GMDS: variants seen among roughly 807,000 people sequenced by gnomAD.
The protein encoded by GMDS is GDP-mannose 4,6 dehydratase.
In GMDS, 20 loss-of-function variants were observed where a neutral mutation model predicts 49.9. The observed-to-expected ratio is 0.40, with a 90% CI of 0.28 to 0.58. GMDS has a LOEUF of 0.58. GMDS is among the 20% of genes least tolerant of loss of function. GMDS has a pLI of 0.42. For synonymous variants in GMDS, 177 were observed against 178.6 expected, an observed-to-expected ratio of 0.99 and a Z score of 0.07; for missense variants, 362 against 481.4, an observed-to-expected ratio of 0.75 and a Z score of 2.32.
intron 4 of GMDS, among the ~76,000 whole-genome samples, chr6:1,972,658 A>AT (rs1764687490): frequency 6.6e-6 from 1 of 152,208 alleles, no homozygotes; most frequent in African/African-American, 2.4e-5. Flanking sequence ...GTTCCCTTCT[A>AT]TTTTGAATGT....
chr6:2,180,291 C>T (rs749549957), intron 1 of GMDS, among the ~76,000 whole-genome samples: 3 of 152,170 alleles, frequency 2.0e-5, no homozygotes, highest in Non-Finnish European at 2.9e-5. Context: ...ACATAAAGCA[C>T]CTAGATCTTT....
intron 9 of GMDS, among the ~76,000 whole-genome samples, chr6:1,696,282 C>T (rs536501968): frequency 4.6e-5 from 7 of 152,352 alleles, no homozygotes; most frequent in African/African-American, 1.4e-4. Context: ...GAACTTTTCC[C>T]GAAGAGCGCA....
intron 1 of GMDS, among the ~76,000 whole-genome samples, chr6:2,157,998 T>C (rs968334606): frequency 6.6e-6 from 1 of 152,130 alleles, no homozygotes; most frequent in African/African-American, 2.4e-5. Flanking sequence ...TGATTCACTA[T>C]TGTCTCTAAG....
intron 7 of GMDS, among the ~76,000 whole-genome samples, chr6:1,825,069 G>A (rs905231690): frequency 1.3e-5 from 2 of 152,160 alleles, no homozygotes; most frequent in African/African-American, 4.8e-5. Context: ...GCAAAAGGGT[G>A]GAAGAACTAC....
At chr6:2,017,848 A>G (rs78348102) in intron 4 of GMDS, among the ~76,000 whole-genome samples, 2,080 of 152,300 alleles carry the variant, frequency 0.014, 51 homozygotes, top group African/African-American at 0.048. Flanking sequence ...AGGAAAAAAC[A>G]TTACATTTCC....
At chr6:2,165,868 C>T (rs541754060) in intron 1 of GMDS, among the ~76,000 whole-genome samples, 3 of 151,986 alleles carry the variant, frequency 2.0e-5, no homozygotes, top group East Asian at 1.9e-4. Flanking sequence ...AGACATTCCA[C>T]GTAGGAAAAT....
chr6:1,685,719 A>G (rs1004312379), intron 9 of GMDS, among the ~76,000 whole-genome samples: 2 of 152,108 alleles, frequency 1.3e-5, no homozygotes, highest in African/African-American at 2.4e-5. Context: ...TGGCCATAAC[A>G]TTTACCAGGA....
At chr6:1,746,210 A>C (rs1767490608) in intron 7 of GMDS, among the ~76,000 whole-genome samples, 2 of 122,616 alleles carry the variant, frequency 1.6e-5, no homozygotes, top group South Asian at 2.4e-4. Flanking sequence ...TACATGTTTT[A>C]GAGGTCAGTC....
At chr6:1,978,140 C>T (rs2127340348) in intron 4 of GMDS, among the ~76,000 whole-genome samples, 1 of 152,292 alleles carries the variant, frequency 6.6e-6, no homozygotes. Flanking sequence ...TCAGCTGTTC[C>T]AACCTGCGGG....
intron 4 of GMDS, among the ~76,000 whole-genome samples, chr6:1,992,811 C>A (rs1766037134): frequency 6.6e-6 from 1 of 152,210 alleles, no homozygotes; most frequent in Admixed American, 6.5e-5. Context: ...CACTGAGGGC[C>A]AGTGCCTGGC....
At chr6:2,229,526 C>T (rs566033996) in intron 1 of GMDS, among the ~76,000 whole-genome samples, 3 of 151,900 alleles carry the variant, frequency 2.0e-5, no homozygotes, top group South Asian at 2.1e-4. Context: ...GTCCAGGCTG[C>T]GGTAAGCAAA....
At chr6:2,158,053 C>A (rs2127542942) in intron 1 of GMDS, among the ~76,000 whole-genome samples, 2 of 152,282 alleles carry the variant, frequency 1.3e-5, no homozygotes, top group South Asian at 4.1e-4. Context: ...AAAACCACAT[C>A]AATACCTCCT....
chr6:1,784,400 A>AG (rs1377711179), intron 7 of GMDS, among the ~76,000 whole-genome samples: 19 of 125,278 alleles, frequency 1.5e-4, no homozygotes, highest in African/African-American at 5.1e-4. Flanking sequence ...CAAAAAAAAA[A>AG]AAAAAAAAAA....
At chr6:1,979,300 A>C (rs1765091477) in intron 4 of GMDS, among the ~76,000 whole-genome samples, 2 of 152,174 alleles carry the variant, frequency 1.3e-5, no homozygotes, top group South Asian at 4.1e-4. Flanking sequence ...CTAAAACAAT[A>C]CATATGGGAG....
intron 7 of GMDS, among the ~76,000 whole-genome samples, chr6:1,922,511 G>A (rs937342339): frequency 5.3e-5 from 8 of 152,276 alleles, no homozygotes; most frequent in African/African-American, 1.2e-4. Context: ...GGCCCAAGGC[G>A]ACAACTCTAC....
chr6:1,855,163 T>C (rs1345352264), intron 7 of GMDS, among the ~76,000 whole-genome samples: 2 of 152,212 alleles, frequency 1.3e-5, no homozygotes, highest in African/African-American at 4.8e-5. Flanking sequence ...GCATATGGTG[T>C]CAGGAAAGAC....
rs144600821 is a variant in GMDS at position 1,644,648 on chromosome 6, C to T, written c.988-20108G>A. On this transcript the variant is annotated intron_variant, in intron 9 of 10. Coordinates refer to ENST00000380815, the MANE Select transcript of GMDS (RefSeq NM_001500.4). The stretch of plus-strand genomic sequence containing the variant: ...GGGAGCTGCTCTAATCCCTGCTGCC[C>T]GCCCAGGAAGGAGATCCCAAGGTCC... 4.2e-3 allele frequency among the ~76,000 whole-genome samples: 636 copies of T among 152,300 alleles called. 8 individuals carry two copies. The highest frequency in any genetic ancestry group is 0.015 in the African/African-American group (605 of 41,550).
intron 6 of GMDS, among the ~76,000 whole-genome samples, chr6:1,936,440 G>T (rs1762535584): frequency 6.6e-6 from 1 of 152,138 alleles, no homozygotes; most frequent in African/African-American, 2.4e-5. Context: ...CCAGAAGTGG[G>T]ACTAATCCCA....
At chr6:2,059,478 G>A (rs945966107) in intron 4 of GMDS, among the ~76,000 whole-genome samples, 2 of 150,644 alleles carry the variant, frequency 1.3e-5, no homozygotes, top group Non-Finnish European at 1.5e-5. Context: ...GGAGGCCGAG[G>A]CGGGTGGATC....
Sources: gnomAD v4.1 joint callset for allele counts (sites outside exome capture counted in the v4.1 genomes callset) on GRCh38, gnomAD v4.1.1 for gene constraint, MANE v1.5 for transcripts, NCBI Gene and HGNC (gene_info 2026-07-23, HGNC 2026-07-21) for gene names.